TBC1D5: variants seen among roughly 807,000 people sequenced by gnomAD.
TBC1D5 encodes the protein TBC1 domain family, member 5.
In TBC1D5, 75 loss-of-function variants were observed where a neutral mutation model predicts 100.3. The ratio of observed to expected loss-of-function variants is 0.75; its 90% CI spans 0.62 to 0.91. TBC1D5 has a LOEUF of 0.91. Among genes scored for constraint, TBC1D5 ranks in the 40% least tolerant of loss-of-function variants. The pLI, the probability that TBC1D5 is intolerant of heterozygous loss-of-function variation, is 0.00. For synonymous variants in TBC1D5, 323 were observed against 325.6 expected (o/e 0.99, Z 0.09); for missense variants, 910 against 942.4 (o/e 0.97, Z 0.45).
chr3:17,681,773 G>A (rs1396226306), intron 1 of TBC1D5, among the ~76,000 whole-genome samples: 1 of 151,512 alleles, frequency 6.6e-6, no homozygotes, highest in Non-Finnish European at 1.5e-5. Flanking sequence ...CAGGTAGGTG[G>A]CCTGTTAGAA....
At chr3:17,411,915 C>T (rs776538544) in intron 4 of TBC1D5, among the ~76,000 whole-genome samples, 1 of 152,058 alleles carries the variant, frequency 6.6e-6, no homozygotes, top group African/African-American at 2.4e-5. Flanking sequence ...AACTGATGAA[C>T]GGCTCTAACA....
intron 15 of TBC1D5, among the ~76,000 whole-genome samples, chr3:17,288,215 A>G (rs540600696): frequency 3.3e-4 from 51 of 152,242 alleles, no homozygotes; most frequent in Middle Eastern, 3.4e-3. Context: ...CATTAACAAC[A>G]CTGAAAACCC....
chr3:17,436,073 T>G (rs1454139162), intron 3 of TBC1D5, among the ~76,000 whole-genome samples: 1 of 152,208 alleles, frequency 6.6e-6, no homozygotes, highest in Non-Finnish European at 1.5e-5. Context: ...TGATCTCTGT[T>G]TGAAGTATTT....
intron 8 of TBC1D5, among the ~76,000 whole-genome samples, chr3:17,390,747 T>C (rs1156289880): frequency 3.3e-5 from 5 of 152,166 alleles, no homozygotes; most frequent in African/African-American, 1.2e-4. Context: ...CTGTGGTTTA[T>C]TGTTTTATTA....
chr3:17,396,323 T>A (rs899309328), intron 8 of TBC1D5, among the ~76,000 whole-genome samples: 4 of 152,098 alleles, frequency 2.6e-5, no homozygotes, highest in Non-Finnish European at 5.9e-5. Context: ...TTGTATTTTT[T>A]TTTTCTCTTT....
chr3:17,623,236 G>C (rs1240757512), intron 2 of TBC1D5, among the ~76,000 whole-genome samples: 1 of 152,178 alleles, frequency 6.6e-6, no homozygotes, highest in Non-Finnish European at 1.5e-5. Flanking sequence ...TTAGGTCTCA[G>C]ATTCTGCGTA....
At chr3:17,410,079 G>T (rs180881195) in intron 4 of TBC1D5, among the ~76,000 whole-genome samples, 1 of 152,146 alleles carries the variant, frequency 6.6e-6, no homozygotes, top group East Asian at 2.0e-4. Context: ...GAGCTTCAAA[G>T]GACAGGCTGT....
intron 1 of TBC1D5, among the ~76,000 whole-genome samples, chr3:17,730,998 C>A (rs1393683181): frequency 6.6e-6 from 1 of 151,754 alleles, no homozygotes; most frequent in African/African-American, 2.4e-5. Flanking sequence ...TTTGGCCAAA[C>A]AGGAAGAGCA....
chr3:17,412,057 C>T (rs1204051541), intron 4 of TBC1D5, among the ~76,000 whole-genome samples: 1 of 152,122 alleles, frequency 6.6e-6, no homozygotes, highest in Non-Finnish European at 1.5e-5. Context: ...GCTTAGCACT[C>T]ACAGGCATAT....
At chr3:17,371,092 CACAT>C (rs984832078) in intron 13 of TBC1D5, among the ~76,000 whole-genome samples, 4 of 151,530 alleles carry the variant, frequency 2.6e-5, no homozygotes, top group Non-Finnish European at 4.4e-5. Context: ...CACACACACA[CACAT>C]GCACACCCAC....
intron 2 of TBC1D5, among the ~76,000 whole-genome samples, chr3:17,537,801 C>G (rs1478848438): frequency 1.3e-5 from 2 of 152,150 alleles, no homozygotes; most frequent in African/African-American, 2.4e-5. Flanking sequence ...GTCTATCCAT[C>G]CAGCTATTGA....
At chr3:17,504,249 A>AG (rs1181332503) in intron 3 of TBC1D5, among the ~76,000 whole-genome samples, 6 of 143,724 alleles carry the variant, frequency 4.2e-5, no homozygotes, top group Non-Finnish European at 9.1e-5. Context: ...GGACACAGGA[A>AG]GGGGAACATC....
intron 13 of TBC1D5, among the ~76,000 whole-genome samples, chr3:17,334,480 G>A (rs1361202600): frequency 6.6e-6 from 1 of 152,022 alleles, no homozygotes; most frequent in Non-Finnish European, 1.5e-5. Context: ...TTTTATAGAC[G>A]AAGCAGTTGC....
chr3:17,492,304 T>C (rs1375803667), intron 3 of TBC1D5, among the ~76,000 whole-genome samples: 1 of 152,206 alleles, frequency 6.6e-6, no homozygotes, highest in Non-Finnish European at 1.5e-5. Flanking sequence ...CTGATCTTGG[T>C]TATTTCTTGC....
At chr3:17,224,289 G>A (rs1410380981) in intron 17 of TBC1D5, among the ~76,000 whole-genome samples, 1 of 152,038 alleles carries the variant, frequency 6.6e-6, no homozygotes, top group Admixed American at 6.5e-5. Context: ...TGTTCAATCT[G>A]GAATATCTGA....
intron 3 of TBC1D5, among the ~76,000 whole-genome samples, chr3:17,440,178 A>T (rs1439182878): frequency 6.6e-6 from 1 of 152,322 alleles, no homozygotes; most frequent in African/African-American, 2.4e-5. Flanking sequence ...ATGTTATACA[A>T]GATTACTATA....
chr3:17,600,885 G>A (rs550953229), intron 2 of TBC1D5, among the ~76,000 whole-genome samples: 4 of 152,220 alleles, frequency 2.6e-5, no homozygotes, highest in East Asian at 1.9e-4. Context: ...GAAATATTTC[G>A]TGTTTGTCTT....
At chr3:17,399,048 G>C (rs1052236045) in intron 8 of TBC1D5, among the ~76,000 whole-genome samples, 1 of 152,084 alleles carries the variant, frequency 6.6e-6, no homozygotes, top group African/African-American at 2.4e-5. Flanking sequence ...AGGAAGCAGA[G>C]GGAAGCAGCA....
intron 1 of TBC1D5, among the ~76,000 whole-genome samples, chr3:17,687,734 A>G (rs1330022597): frequency 6.6e-6 from 1 of 152,226 alleles, no homozygotes; most frequent in Non-Finnish European, 1.5e-5. Context: ...AAGGAGAAGA[A>G]AAGCCCTCCC....
Sources: gnomAD v4.1 joint callset for allele counts (sites outside exome capture counted in the v4.1 genomes callset) on GRCh38, gnomAD v4.1.1 for gene constraint, MANE v1.5 for transcripts, NCBI Gene and HGNC (gene_info 2026-07-23, HGNC 2026-07-21) for gene names.